Variants in ANKFN1 observed in about 807,000 individuals in gnomAD.
ANKFN1 encodes the protein ankyrin repeat and fibronectin type III domain containing 1, also known as ankyrin repeat and fibronectin type-III domain-containing protein 1.
Under a neutral mutation model 108.7 loss-of-function variants are expected in ANKFN1, and 74 were observed. That is an observed-to-expected ratio of 0.68 (90% CI 0.56 to 0.83). The LOEUF is 0.83. Among genes scored for constraint, ANKFN1 ranks in the 40% least tolerant of loss-of-function variants. The pLI is 0.00. For missense variants in ANKFN1, 1,505 were observed against 1,382.3 expected, an observed-to-expected ratio of 1.09 and a Z score of -1.41; for synonymous variants, 547 against 516.2, an observed-to-expected ratio of 1.06 and a Z score of -0.81.
At chr17:56,216,082 T>C (rs1381907581) in intron 2 of ANKFN1, among the ~76,000 whole-genome samples, 1 of 152,244 alleles carries the variant, frequency 6.6e-6, no homozygotes, top group African/African-American at 2.4e-5. Flanking sequence ...GGTCACCTTT[T>C]GTGAGAAAGA....
At chr17:56,169,611 G>A (rs1910468242) in intron 1 of ANKFN1, among the ~76,000 whole-genome samples, 1 of 152,162 alleles carries the variant, frequency 6.6e-6, no homozygotes, top group Non-Finnish European at 1.5e-5. Flanking sequence ...AAGTGAGAAG[G>A]AAAGGGATGG....
chr17:56,110,138 TG>T (rs1192573158), intron 4 of ANKFN1, among the ~76,000 whole-genome samples: 6 of 152,216 alleles, frequency 3.9e-5, no homozygotes, highest in African/African-American at 1.4e-4. Flanking sequence ...AGAACCCGAC[TG>T]AGCCCTGCCT....
intron 4 of ANKFN1, among the ~76,000 whole-genome samples, chr17:56,331,939 A>T (rs2045674379): frequency 6.6e-6 from 1 of 152,126 alleles, no homozygotes; most frequent in African/African-American, 2.4e-5. Flanking sequence ...ACAAGAAAAC[A>T]CATCTTGTTG....
chr17:56,337,582 T>C (rs1303828701), intron 4 of ANKFN1, among the ~76,000 whole-genome samples: 1 of 150,888 alleles, frequency 6.6e-6, no homozygotes, highest in Non-Finnish European at 1.5e-5. Context: ...AAAGGGCTAA[T>C]ATCCAAAGAA....
intron 5 of ANKFN1, 49 bp from the exon 6 acceptor site, chr17:56,353,787 G>A: frequency 2.6e-6 from 4 of 1,557,024 alleles, no homozygotes; most frequent in Non-Finnish European, 3.5e-6. Flanking sequence ...AAGCTACAAA[G>A]ACACACTGGT....
intron 1 of ANKFN1, among the ~76,000 whole-genome samples, chr17:56,165,046 A>G (rs755968190): frequency 6.6e-6 from 1 of 152,212 alleles, no homozygotes; most frequent in Non-Finnish European, 1.5e-5. Context: ...TTTGCTTTTC[A>G]TCCTGTAAAA....
intron 8 of ANKFN1, among the ~76,000 whole-genome samples, chr17:56,424,083 CT>C (rs1459370524): frequency 7.2e-5 from 11 of 152,118 alleles, no homozygotes; most frequent in African/African-American, 2.4e-4. Context: ...TGTTACAATC[CT>C]TCTAAATATA....
rs182128950 is a variant in ANKFN1, at chr17:56,499,138, G to A, written c.2644+40G>A. On this transcript the variant is annotated intron_variant, in intron 20 of 20. Coordinates refer to ENST00000682825, the MANE Select transcript of ANKFN1 (RefSeq NM_001370326.1). ...CTGAAGTTCTGTTGTTTAGTCCCTGGACTTTTGATCCTCTCTTCACTGATG... is the reference window on the plus strand; with the variant it reads ...CTGAAGTTCTGTTGTTTAGTCCCTGAACTTTTGATCCTCTCTTCACTGATG... The A allele has an allele frequency of 4.3e-5, 65 of 1,518,646 alleles. No individual in the cohort carries two copies. The African/African-American group carries it at 8.2e-4, about 19-fold the overall frequency. 94.1% of individuals were successfully genotyped at this position (1,518,646 alleles called of 1,614,324 possible).
chr17:56,163,024 A>C (rs1909809836), intron 1 of ANKFN1, among the ~76,000 whole-genome samples: 1 of 151,104 alleles, frequency 6.6e-6, no homozygotes, highest in Admixed American at 6.6e-5. Context: ...GACGAGAGTG[A>C]GACTCCATCT....
chr17:56,206,427 G>A (rs570532178), intron 1 of ANKFN1: 4 of 152,244 alleles, frequency 2.6e-5, no homozygotes, highest in East Asian at 1.9e-4. Context: ...GATTTGAGAA[G>A]CACAGGATGG....
At chr17:56,404,940 A>C (rs911043692) in intron 8 of ANKFN1, among the ~76,000 whole-genome samples, 1 of 152,162 alleles carries the variant, frequency 6.6e-6, no homozygotes, top group Non-Finnish European at 1.5e-5. Context: ...TTCTGGGTCT[A>C]GCAACCCAGA....
intron 4 of ANKFN1, among the ~76,000 whole-genome samples, chr17:56,061,072 T>A (rs1300842993): frequency 6.6e-6 from 1 of 152,144 alleles, no homozygotes; most frequent in Non-Finnish European, 1.5e-5. Context: ...CTGGGCTTTT[T>A]TTGGTTGGTA....
intron 4 of ANKFN1, among the ~76,000 whole-genome samples, chr17:56,329,928 A>G (rs538384266): frequency 9.8e-5 from 15 of 152,342 alleles, no homozygotes; most frequent in Non-Finnish European, 2.2e-4. Context: ...TTTGAAGCAG[A>G]AAGTCAGCCC....
At chr17:56,263,602 CA>C (rs1332002129) in intron 3 of ANKFN1, among the ~76,000 whole-genome samples, 1 of 152,136 alleles carries the variant, frequency 6.6e-6, no homozygotes, top group Non-Finnish European at 1.5e-5. Flanking sequence ...CTGGTGTCTC[CA>C]AAAGCAATTT....
chr17:56,099,933 A>G (rs1905608523), intron 4 of ANKFN1, among the ~76,000 whole-genome samples: 1 of 152,204 alleles, frequency 6.6e-6, no homozygotes, highest in Non-Finnish European at 1.5e-5. Context: ...TTCTGGTTGT[A>G]CATGGAAGAT....
At chr17:56,220,853 A>AGTGG (rs1915825709) in intron 2 of ANKFN1, among the ~76,000 whole-genome samples, 2 of 50,752 alleles carry the variant, frequency 3.9e-5, no homozygotes, top group African/African-American at 5.2e-4. Context: ...GGAGGGAGGA[A>AGTGG]GGAAGGAAGG....
At chr17:56,237,777 C>T (rs1433682769) in intron 3 of ANKFN1, among the ~76,000 whole-genome samples, 2 of 151,632 alleles carry the variant, frequency 1.3e-5, no homozygotes, top group East Asian at 3.9e-4. Flanking sequence ...CAATTTCTTT[C>T]AGTTCAGCTC....
chr17:56,377,976 C>A (rs577368321), intron 8 of ANKFN1, among the ~76,000 whole-genome samples: 2 of 152,284 alleles, frequency 1.3e-5, no homozygotes, highest in Admixed American at 1.3e-4. Flanking sequence ...TTGCCCGTGT[C>A]TTTTCCTACT....
intron 11 of ANKFN1, among the ~76,000 whole-genome samples, chr17:56,453,636 C>T (rs140668250): frequency 6.6e-6 from 1 of 152,230 alleles, no homozygotes; most frequent in African/African-American, 2.4e-5. Flanking sequence ...ATATTGGGTT[C>T]CTTCTTTCTG....
Sources: gnomAD v4.1 joint callset for allele counts (sites outside exome capture counted in the v4.1 genomes callset) on GRCh38, gnomAD v4.1.1 for gene constraint, MANE v1.5 for transcripts, NCBI Gene and HGNC (gene_info 2026-07-23, HGNC 2026-07-21) for gene names.